PKD1: variants seen among roughly 807,000 people sequenced by gnomAD.
PKD1 encodes polycystin 1, transient receptor potential channel interacting.
Under a neutral mutation model 361.7 loss-of-function variants are expected in PKD1, and 81 were observed. That is an observed-to-expected ratio of 0.22 (90% confidence interval 0.19 to 0.27). PKD1 has a LOEUF of 0.27. Ranked by LOEUF, PKD1 falls within the 10% of genes least tolerant of loss-of-function variation. The pLI, the probability that PKD1 is intolerant of heterozygous loss-of-function variation, is 1.00. For synonymous variants in PKD1, 3,615 were observed against 2,818.3 expected (o/e 1.28, Z -8.95); for missense variants, 6,399 against 6,118.3 (o/e 1.05, Z -1.53).
chr16:2,105,129 A>G (rs1484543405), intron 21 of PKD1, among the ~76,000 whole-genome samples, 193 bp downstream of exon 21: 2 of 148,270 alleles, frequency 1.3e-5, no homozygotes, highest in African/African-American at 5.0e-5. Context: ...GTCCCCCGAG[A>G]GGCACCCTGC....
intron 39 of PKD1, 125 bp from the exon 40 acceptor site, chr16:2,092,313 T>A: frequency 9.0e-7 from 1 of 1,108,886 alleles, no homozygotes; most frequent in Non-Finnish European, 1.3e-6. Context: ...CCAGCAGCCA[T>A]CAATTAGACA....
chr16:2,109,234 T>C lies in PKD1; in HGVS notation c.5933A>G (p.Asn1978Ser), dbSNP rs373707925. The change falls in exon 15 of 46, where the codon AAC becomes AGC. Residue 1978 changes from asparagine to serine, a missense_variant. By Grantham distance (46) the Asn-to-Ser change is conservative (BLOSUM62 1). Coordinates refer to ENST00000262304, the MANE Select transcript of PKD1 (RefSeq NM_001009944.3). Reference sequence around the variant, plus strand: ...CGTGGCGATGCCAGGCTCGCAGCAGTTGGGCACCTGCAGCCCACTCACGGC... The same window carrying C: ...CGTGGCGATGCCAGGCTCGCAGCAGCTGGGCACCTGCAGCCCACTCACGGC... ...LEAVSGLQVP[N>S]CCEPGIATGT... is the part of the protein sequence containing the mutation. The C allele has an allele frequency of 4.5e-5, 72 of 1,589,730 alleles. No individual in the cohort carries two copies. The highest frequency in any genetic ancestry group is 5.8e-5 in the Non-Finnish European group (68 of 1,167,420).
At position 2,089,514 on chromosome 16, in the gene PKD1, TC is replaced by T; in HGVS notation, c.*212del. 1 of 612,038 alleles carries T rather than the reference TC, an allele frequency of 1.6e-6. No individual in the cohort carries two copies. The allele number at this position is 612,038 out of a possible 1,614,324, so 37.9% of individuals were successfully genotyped here. On this transcript the variant is annotated 3_prime_UTR_variant, in exon 46 of 46. Coordinates refer to ENST00000262304, the MANE Select transcript of PKD1 (RefSeq NM_001009944.3). The stretch of plus-strand genomic sequence containing the variant: ...AAACCGTCCAATACTGCTGTGTCCT[TC>T]CCAAGGGAGCTGGGGAGGGGACCCT...
chr16:2,114,209 C>A lies in PKD1; in HGVS notation c.2814G>T (p.Thr938=), dbSNP rs766133872. The A allele has an allele frequency of 1.2e-6, 2 of 1,609,368 alleles. No individual in the cohort carries two copies. Among genetic ancestry groups the A allele is most frequent in the South Asian group, 1.1e-5 (1 of 90,952 alleles). Residue 938 remains threonine, a synonymous_variant, in exon 11 of 46, where the codon ACG becomes ACT. Coordinates refer to ENST00000262304, the MANE Select transcript of PKD1 (RefSeq NM_001009944.3). ...AEEPICGLRA[T]PSPEARVLQG... ...GCAGTACACGGGCCTCGGGGCTGGG[C>A]GTGGCGCGGAGGCCACAGATGGGCT...
chr16:2,099,767 C>T lies in PKD1; in HGVS notation c.9927G>A (p.Thr3309=), dbSNP rs773782376. ...GCGGGCTCAGCCTGGACACATGCCC[C>T]GTGCTGTGTGGAGGAGAGGAGGCCA... is the stretch of plus-strand genomic sequence containing the variant. ...YGAVGDSAYS[T]GHVSRLSPLS... The change falls in exon 30 of 46, where the codon ACG becomes ACA. Residue 3309 remains threonine (T), a synonymous_variant. Transcript: ENST00000262304. 17 of 1,554,004 alleles carry T rather than the reference C, an allele frequency of 1.1e-5. No individual in the cohort carries two copies. Among genetic ancestry groups the T allele is most frequent in the South Asian group, 5.9e-5 (5 of 85,028 alleles).
rs200446880 is a variant in PKD1 at position 2,089,821 on chromosome 16, C to T, written c.12818G>A (p.Arg4273His). The change falls in exon 46 of 46, where the codon CGC (arginine) becomes CAC (histidine). Residue 4273 changes from arginine to histidine, a missense_variant. Physicochemically the swap from Arg to His is conservative, Grantham distance 29. Coordinates refer to ENST00000262304, the MANE Select transcript of PKD1 (RefSeq NM_001009944.3). Reference protein sequence around the residue: ...SPGLRPALPSRLARASRGVDL... With the variant: ...SPGLRPALPSHLARASRGVDL... ...CACACCCCGACTGGCCCGGGCAAGGCGGCTGGGCAGTGCTGGCCGCAGGCC... is the reference window on the plus strand; with the variant it reads ...CACACCCCGACTGGCCCGGGCAAGGTGGCTGGGCAGTGCTGGCCGCAGGCC... 74 of 1,602,352 alleles carry T rather than the reference C, an allele frequency of 4.6e-5. 1 individual carries two copies. The Admixed American group carries it at 5.1e-4, about 11-fold the overall frequency.
chr16:2,117,727 G>A, intron 5 of PKD1, 55 bp from the exon 6 acceptor site: 5 of 1,345,140 alleles, frequency 3.7e-6, no homozygotes, highest in East Asian at 4.7e-5. Context: ...CAAGACGGGG[G>A]TACCAGGCTC....
At position 2,105,995 on chromosome 16, in the gene PKD1, T is replaced by C. The variant is rs765046008; in HGVS notation, c.7733A>G (p.Asn2578Ser). ...RSLAITLPEPNGSATGLTVWL... is the reference protein window; with the variant it reads ...RSLAITLPEPSGSATGLTVWL... ...GACTGTGAGCCCCGTTGCGCTGCCG[T>C]TGGGCTCTGGGAGGGTGATGGCCAA... The change falls in exon 20 of 46, where the codon AAC becomes AGC. Residue 2578 changes from asparagine to serine, a missense_variant. Asn to Ser is a conservative substitution (Grantham distance 46). Coordinates refer to ENST00000262304, the MANE Select transcript of PKD1 (RefSeq NM_001009944.3). 32 of 1,604,186 alleles carry C rather than the reference T, an allele frequency of 2.0e-5. No homozygotes were observed. Among genetic ancestry groups the C allele is most frequent in the Middle Eastern group, 2.2e-4 (1 of 4,450 alleles).
In PKD1 at chr16:2,089,407, G is replaced by A. The variant is rs2091342358; in HGVS notation, c.*320C>T. 1 of 450,452 alleles carries A rather than the reference G, an allele frequency of 2.2e-6. No homozygotes were observed. Among genetic ancestry groups the A allele is most frequent in the Non-Finnish European group, 4.0e-6 (1 of 247,470 alleles). 27.9% of individuals were successfully genotyped at this position (450,452 alleles called of 1,614,324 possible). A position where few individuals can be genotyped will look rare whatever the true frequency, so the allele number is the denominator to read the frequency against. On this transcript the variant is annotated 3_prime_UTR_variant, in exon 46 of 46. Coordinates refer to ENST00000262304, the MANE Select transcript of PKD1 (RefSeq NM_001009944.3). ...GAAGCCAGCAGCCTTAGCAGTGGGG[G>A]ACATCTGCCCAGGGGGTGGGGCCGG...
chr16:2,129,180 T>TA (rs988694939), intron 1 of PKD1, among the ~76,000 whole-genome samples: 1 of 147,372 alleles, frequency 6.8e-6, no homozygotes, highest in South Asian at 2.2e-4. Context: ...TTTTTTTTTT[T>TA]AAAGACCGTT....
chr16:2,106,190 T>A lies in PKD1; in HGVS notation c.7604A>T (p.Tyr2535Phe). The A allele has an allele frequency of 1.9e-6, 3 of 1,610,046 alleles. No homozygotes were observed. Among genetic ancestry groups the A allele is most frequent in the Non-Finnish European group, 2.5e-6 (3 of 1,179,468 alleles). Residue 2535 changes from tyrosine (Y) to phenylalanine (F), a missense_variant, in exon 19 of 46, where the codon TAC becomes TTC. Tyr to Phe is a conservative substitution (Grantham distance 22, BLOSUM62 3). Coordinates refer to ENST00000262304, the MANE Select transcript of PKD1 (RefSeq NM_001009944.3). This position sits in a 1 kb window ranked among gnomAD's most constrained non-coding sequence, Gnocchi z 6.5. Reference sequence around the variant, plus strand: ...GAAACCCGGGGGCAGCACGGCTCCGTAGCTGGAGAGGCTGCCCTTGTAGAC... The same window carrying A: ...GAAACCCGGGGGCAGCACGGCTCCGAAGCTGGAGAGGCTGCCCTTGTAGAC... ...FCVYKGSLSS[Y>F]GAVLPPGFRP...
chr16:2,106,217 C>A lies in PKD1; in HGVS notation c.7577G>T (p.Cys2526Phe), dbSNP rs754128708. ...RCRQGHCEEFCVYKGSLSSYG... is the reference protein window; with the variant it reads ...RCRQGHCEEFFVYKGSLSSYG... ...GCTGGAGAGGCTGCCCTTGTAGACA[C>A]AGAACTCCTCGCAGTGGCCCTGGCG... is the stretch of plus-strand genomic sequence containing the variant. The change falls in exon 19 of 46, where the codon TGT (cysteine) becomes TTT (phenylalanine). Residue 2526 changes from cysteine (C) to phenylalanine (F), a missense_variant. Physicochemically the swap from Cys to Phe is radical, Grantham distance 205. Transcript: ENST00000262304. This position sits in a 1 kb window ranked among gnomAD's most constrained non-coding sequence, Gnocchi z 6.5. 17 of 1,610,110 alleles carry A rather than the reference C, an allele frequency of 1.1e-5. No individual in the cohort carries two copies. In the African/African-American group the frequency reaches 1.9e-4, roughly 18 times the overall value.
chr16:2,101,254 G>A (rs1236764431), intron 26 of PKD1, among the ~76,000 whole-genome samples: 1 of 152,092 alleles, frequency 6.6e-6, no homozygotes, highest in Non-Finnish European at 1.5e-5. Context: ...AAAGTGCTCG[G>A]ATTACAGGTG....
rs781748675 is a variant in PKD1 at position 2,103,825 on chromosome 16, T to C, written c.8232A>G (p.Pro2744=). Residue 2744 remains proline (P), a synonymous_variant, in exon 23 of 46, where the codon CCA becomes CCG. Transcript: ENST00000262304. ...AGGCCTGGGACGCCACCATCCGAGA[T>C]GGTGACTCGGCTCCCAGCTCTGAGG... The part of the protein sequence containing the change: ...PQPSELGAES[P]SRMVASQAYN... 12 of 1,605,000 alleles carry C rather than the reference T, an allele frequency of 7.5e-6. No homozygotes were observed. Among genetic ancestry groups the C allele is most frequent in the Non-Finnish European group, 1.0e-5 (12 of 1,178,116 alleles).
intron 22 of PKD1, 45 bp from the exon 23 acceptor site, chr16:2,103,940 G>C (rs767023320): frequency 7.6e-6 from 10 of 1,314,242 alleles, no homozygotes; most frequent in Non-Finnish European, 1.0e-5. Context: ...GAGGTAGAGG[G>C]AGGGTGGGGG....
intron 14 of PKD1, 55 bp downstream of exon 14, chr16:2,112,285 G>C: frequency 2.7e-6 from 4 of 1,496,720 alleles, no homozygotes; most frequent in Admixed American, 1.8e-5. Flanking sequence ...GAGCTGGGGG[G>C]ACCCCGTGCT....
chr16:2,092,859 G>A lies in PKD1; in HGVS notation c.11156+95C>T, dbSNP rs917576187. ...TACCTCCAGTTCTAGCAGCCACAAA[G>A]GTATCTACACATGTCCACATGTCCC... is the stretch of plus-strand genomic sequence containing the variant. On this transcript the variant is annotated intron_variant, in intron 38 of 45. Coordinates refer to ENST00000262304, the MANE Select transcript of PKD1 (RefSeq NM_001009944.3). The A allele has an allele frequency of 7.8e-5, 113 of 1,445,476 alleles. 1 individual carries two copies. In the Admixed American group the frequency reaches 1.5e-3, roughly 19 times the overall value. The allele number at this position is 1,445,476 out of a possible 1,614,324, so 89.5% of individuals were successfully genotyped here.
At chr16:2,097,615 G>A (rs1044321265) in intron 32 of PKD1, 112 bp from the exon 33 acceptor site, 23 of 1,610,114 alleles carry the variant, frequency 1.4e-5, no homozygotes, top group African/African-American at 2.7e-5. Context: ...GCTCCCGGGT[G>A]GTGTGACCAC....
In PKD1 at chr16:2,117,000, G is replaced by C; in HGVS notation, c.1439C>G (p.Pro480Arg). 6.3e-7 allele frequency: 1 copy of C among 1,584,470 alleles called. No individual in the cohort carries two copies. The highest frequency in any genetic ancestry group is 8.5e-7 in the Non-Finnish European group (1 of 1,171,186). ...FSTVQGVEVG[P>R]APQGEAFSLE... ...GCTGAAGGCCTCGCCCTGCGGCGCT[G>C]GGCCCACCTCCACCCCCTGCACAGT... Residue 480 changes from proline to arginine, a missense_variant, in exon 7 of 46, where the codon CCA (proline) becomes CGA (arginine). Physicochemically the swap from Pro to Arg is moderately radical, Grantham distance 103 (BLOSUM62 -2). Coordinates refer to ENST00000262304, the MANE Select transcript of PKD1 (RefSeq NM_001009944.3).
Sources: allele counts gnomAD v4.1 joint callset (sites outside exome capture counted in the v4.1 genomes callset), GRCh38; gene constraint gnomAD v4.1.1; non-coding constraint Gnocchi (gnomAD v3.1); transcripts MANE v1.5; gene names NCBI Gene and HGNC (gene_info 2026-07-23, HGNC 2026-07-21).